IL1RAPL1: variants seen among roughly 807,000 people sequenced by gnomAD.
IL1RAPL1 encodes the protein interleukin 1 receptor accessory protein like 1.
IL1RAPL1 carries 3 observed loss-of-function variants against 48.4 expected under a neutral mutation model. The ratio of observed to expected loss-of-function variants is 0.06; its 90% CI spans 0.03 to 0.16. The LOEUF (loss-of-function observed/expected upper bound fraction) is 0.16, where lower values mean the gene tolerates loss of function less well. IL1RAPL1 is among the 10% of genes least tolerant of loss of function. The probability of loss-of-function intolerance (pLI) is 1.00; values close to 1 mark genes in which losing one functional copy is unlikely to be tolerated. For missense variants in IL1RAPL1, 349 were observed against 530.6 expected (o/e 0.66, Z 3.36); for synonymous variants, 185 against 187.7 (o/e 0.99, Z 0.12).
At chrX:29,396,146 T>A (rs1165148673) in intron 3 of IL1RAPL1, 112 bp from the exon 4 acceptor site, 3 of 573,420 alleles carry the variant, frequency 5.2e-6, no homozygotes, top group Non-Finnish European at 8.8e-6. Flanking sequence ...ACCATAAAAT[T>A]AGTTAAACAG....
intron 6 of IL1RAPL1, among the ~76,000 whole-genome samples, chrX:29,700,902 A>G (rs1358854048): frequency 8.9e-6 from 1 of 112,051 alleles, no homozygotes; most frequent in Admixed American, 9.5e-5. Context: ...GTAAGACGGA[A>G]AATTCCATGA....
intron 5 of IL1RAPL1, among the ~76,000 whole-genome samples, chrX:29,461,690 T>G (rs1048223574): frequency 3.6e-5 from 4 of 111,815 alleles, no homozygotes; most frequent in Admixed American, 1.9e-4. Flanking sequence ...CAAAAAGAAA[T>G]AAATTACTGA....
chrX:28,995,931 A>G (rs1925714109), intron 2 of IL1RAPL1, among the ~76,000 whole-genome samples: 1 of 110,726 alleles, frequency 9.0e-6, no homozygotes, highest in Non-Finnish European at 1.9e-5. Flanking sequence ...AAAAAAAAAG[A>G]CAGCTTTATT....
At chrX:29,192,754 A>G (rs1413821727) in intron 2 of IL1RAPL1, among the ~76,000 whole-genome samples, 2 of 111,969 alleles carry the variant, frequency 1.8e-5, no homozygotes, top group Non-Finnish European at 3.8e-5. Context: ...TATATGTAGC[A>G]ATCTATTTTC....
intron 1 of IL1RAPL1, among the ~76,000 whole-genome samples, chrX:28,632,726 A>C (rs992529384): frequency 1.8e-5 from 2 of 111,689 alleles, no homozygotes; most frequent in Non-Finnish European, 3.8e-5. Context: ...TACATTTTCC[A>C]AAACAAAATA....
chrX:29,093,904 G>A (rs1012002214), intron 2 of IL1RAPL1, among the ~76,000 whole-genome samples: 1 of 111,971 alleles, frequency 8.9e-6, no homozygotes. Flanking sequence ...GTGTAGGCGA[G>A]CCTAGCCCTG....
chrX:28,628,019 T>G (rs1197649831), intron 1 of IL1RAPL1, among the ~76,000 whole-genome samples: 2 of 111,618 alleles, frequency 1.8e-5, no homozygotes, highest in Admixed American at 1.9e-4. Flanking sequence ...TCTTCTGATT[T>G]GGGCTGGGCT....
intron 1 of IL1RAPL1, among the ~76,000 whole-genome samples, chrX:28,676,137 AT>A (rs200350601): frequency 5.2e-4 from 58 of 110,811 alleles, no homozygotes; most frequent in African/African-American, 1.6e-3. Context: ...ACTATTCTTA[AT>A]TTTTTTTTAC....
chrX:29,208,736 A>AATAATAATAATAATAATAAT (rs199568044), intron 2 of IL1RAPL1, among the ~76,000 whole-genome samples: 3 of 81,658 alleles, frequency 3.7e-5, no homozygotes, highest in Non-Finnish European at 6.7e-5. Context: ...TAATAATAAT[A>AATAATAATAATAATAATAAT]AATAAATAAA....
chrX:29,273,970 T>G (rs1218097156), intron 2 of IL1RAPL1, among the ~76,000 whole-genome samples: 1 of 111,871 alleles, frequency 8.9e-6, no homozygotes, highest in Non-Finnish European at 1.9e-5. Context: ...CATATACAAT[T>G]TTTATTTGTA....
chrX:29,476,872 C>CTTATTTTTTTTTTT (rs1934980537), intron 5 of IL1RAPL1, among the ~76,000 whole-genome samples: 1 of 53,934 alleles, frequency 1.9e-5, no homozygotes, highest in East Asian at 7.1e-4. Flanking sequence ...TACCCATATT[C>CTTATTTTTTTTTTT]TTTTTTTTTT....
intron 3 of IL1RAPL1, among the ~76,000 whole-genome samples, chrX:29,383,137 T>G (rs769628788): frequency 2.7e-5 from 3 of 112,289 alleles, no homozygotes; most frequent in Admixed American, 1.9e-4. Context: ...ATCTGAGTGC[T>G]AATACATCAC....
At chrX:29,825,545 G>A (rs993256620) in intron 6 of IL1RAPL1, among the ~76,000 whole-genome samples, 23 of 111,342 alleles carry the variant, frequency 2.1e-4, no homozygotes, top group African/African-American at 5.9e-4. Flanking sequence ...ATTGGCTGCC[G>A]CAGCTCAACA....
chrX:28,776,830 T>G (rs1351028194), intron 1 of IL1RAPL1, among the ~76,000 whole-genome samples: 1 of 111,776 alleles, frequency 8.9e-6, no homozygotes, highest in Non-Finnish European at 1.9e-5. Flanking sequence ...TCAACAAATG[T>G]TGGCAGTTAT....
At chrX:29,172,804 G>A (rs1033452982) in intron 2 of IL1RAPL1, among the ~76,000 whole-genome samples, 4 of 111,621 alleles carry the variant, frequency 3.6e-5, no homozygotes, top group Non-Finnish European at 5.6e-5. Flanking sequence ...AGAATCATTC[G>A]AGTCATGAGA....
At chrX:29,806,160 TAA>T (rs1213916805) in intron 6 of IL1RAPL1, among the ~76,000 whole-genome samples, 1 of 111,204 alleles carries the variant, frequency 9.0e-6, no homozygotes, top group East Asian at 2.8e-4. Context: ...GATAAAAACA[TAA>T]GTCTTTTTCT....
intron 5 of IL1RAPL1, among the ~76,000 whole-genome samples, chrX:29,612,238 A>G (rs1924118786): frequency 9.1e-6 from 1 of 110,045 alleles, no homozygotes; most frequent in Non-Finnish European, 1.9e-5. Flanking sequence ...GAGTCAATGG[A>G]CCCTTTAGTA....
rs767896252 is a variant in IL1RAPL1, at chrX:29,358,892, A to G, written c.363-37366A>G. 1.6e-4 allele frequency among the ~76,000 whole-genome samples: 17 copies of G among 109,349 alleles called. No homozygotes were observed. The East Asian group carries it at 4.6e-3, about 30-fold the overall frequency. The allele number at this position is 109,349 out of a possible 115,157, so 95.0% of individuals were successfully genotyped here. A position where few individuals can be genotyped will look rare whatever the true frequency, so the allele number is the denominator to read the frequency against. On this transcript the variant is annotated intron_variant, in intron 3 of 10. Transcript: ENST00000378993. ...AAAAATTAGCCAGGCATGGTGGCAC[A>G]TGCCTGTAATCCCAGCCACTCGGGA...
At chrX:28,943,626 T>C (rs1011027498) in intron 2 of IL1RAPL1, among the ~76,000 whole-genome samples, 1 of 109,867 alleles carries the variant, frequency 9.1e-6, no homozygotes, top group Non-Finnish European at 1.9e-5. Context: ...TTATCCTTGA[T>C]TGTCTGGAGT....
Sources: gnomAD v4.1 joint callset for allele counts (sites outside exome capture counted in the v4.1 genomes callset) on GRCh38, gnomAD v4.1.1 for gene constraint, MANE v1.5 for transcripts, NCBI Gene and HGNC (gene_info 2026-07-23, HGNC 2026-07-21) for gene names.